Variants in MYOM1 observed in about 807,000 individuals in gnomAD.
MYOM1 encodes myomesin 1, also known as myomesin-1.
MYOM1 carries 164 observed loss-of-function variants against 205.3 expected under a neutral mutation model. The ratio of observed to expected loss-of-function variants is 0.80; its 90% CI spans 0.70 to 0.91. The LOEUF (loss-of-function observed/expected upper bound fraction) is 0.91, where lower values mean the gene tolerates loss of function less well. MYOM1 is among the 40% of genes least tolerant of loss of function. MYOM1 has a pLI of 0.00. For missense variants in MYOM1, 2,011 were observed against 2,127.3 expected, an observed-to-expected ratio of 0.95 and a Z score of 1.08; for synonymous variants, 772 against 789.4, an observed-to-expected ratio of 0.98 and a Z score of 0.37.
In MYOM1 at chr18:3,116,378, G is replaced by A; in HGVS notation, c.3256C>T (p.Gln1086Ter). The A allele has an allele frequency of 6.2e-7, 1 of 1,613,250 alleles. No individual in the cohort carries two copies. Among genetic ancestry groups the A allele is most frequent in the African/African-American group, 1.3e-5 (1 of 75,024 alleles). The change falls in exon 21 of 38, where the codon CAG (glutamine) becomes TAG (stop). Residue 1086 changes from glutamine (Q) to a stop codon, truncating the protein, a stop_gained. Coordinates refer to ENST00000356443, the MANE Select transcript of MYOM1 (RefSeq NM_003803.4). LOFTEE classifies it high-confidence loss of function. ...DLKEAKAKED[Q>*]WRGLNEAAIK... is the part of the protein sequence containing the mutation. ...GCCGCCTCATTGAGCCCTCGCCACT[G>A]GTCTTCTTTGGCCTTGGCCTCCTTC...
chr18:3,155,826 G>A (rs1187378174), intron 10 of MYOM1, among the ~76,000 whole-genome samples: 3 of 152,140 alleles, frequency 2.0e-5, no homozygotes, highest in African/African-American at 4.8e-5. Context: ...AAGAAAATAC[G>A]AGTCATAGAG....
rs2079268828 is a variant in MYOM1 at position 3,094,287 on chromosome 18, C to T, written c.3747G>A (p.Glu1249=). The change falls in exon 26 of 38, where the codon GAG becomes GAA. Residue 1249 remains glutamate (E), a synonymous_variant. Transcript: ENST00000356443. ...CTTTCTCCAAAATTTCAACTGCCAACTCTGATTTAACTGGGACAGCTATGA... is the reference window on the plus strand; with the variant it reads ...CTTTCTCCAAAATTTCAACTGCCAATTCTGATTTAACTGGGACAGCTATGA... ...HKFPTVPVKS[E]LAVEILEKGQ... 1.9e-6 allele frequency: 3 copies of T among 1,612,960 alleles called. No individual in the cohort carries two copies. The highest frequency in any genetic ancestry group is 4.5e-5 in the East Asian group (2 of 44,808).
intron 5 of MYOM1, among the ~76,000 whole-genome samples, chr18:3,186,340 T>G (rs987091103): frequency 1.3e-5 from 2 of 152,182 alleles, no homozygotes; most frequent in Non-Finnish European, 2.9e-5. Context: ...TGGGTGACAG[T>G]GACATTCATG....
At chr18:3,112,482 A>T in intron 21 of MYOM1, 70 bp from the exon 22 acceptor site, 1 of 1,190,476 alleles carries the variant, frequency 8.4e-7, no homozygotes, top group East Asian at 2.4e-5. Context: ...ATTTAAACAG[A>T]CGGGGCTCTT....
At chr18:3,190,175 T>G (rs1380067734) in intron 3 of MYOM1, among the ~76,000 whole-genome samples, 1 of 152,220 alleles carries the variant, frequency 6.6e-6, no homozygotes, top group African/African-American at 2.4e-5. Flanking sequence ...GTGCTGTGAT[T>G]TATTCATGTC....
At chr18:3,080,238 T>C (rs1037387681) in intron 33 of MYOM1, among the ~76,000 whole-genome samples, 6 of 152,178 alleles carry the variant, frequency 3.9e-5, no homozygotes, top group African/African-American at 1.4e-4. Flanking sequence ...TACCCTAAAA[T>C]GTTCATATTA....
At chr18:3,211,864 C>A (rs946659621) in intron 2 of MYOM1, among the ~76,000 whole-genome samples, 1 of 152,142 alleles carries the variant, frequency 6.6e-6, no homozygotes, top group Non-Finnish European at 1.5e-5. Context: ...CAAAGCAGAG[C>A]TAAAAATAGA....
At chr18:3,125,431 C>G (rs1181565889) in intron 19 of MYOM1, among the ~76,000 whole-genome samples, 1 of 152,032 alleles carries the variant, frequency 6.6e-6, no homozygotes, top group African/African-American at 2.4e-5. Context: ...TGAGTTATAG[C>G]CACATGCACT....
At chr18:3,200,396 G>T (rs1464606903) in intron 2 of MYOM1, among the ~76,000 whole-genome samples, 3 of 152,168 alleles carry the variant, frequency 2.0e-5, no homozygotes, top group African/African-American at 7.2e-5. Context: ...TCTCTGGGTT[G>T]TCCTTGATGT....
intron 14 of MYOM1, among the ~76,000 whole-genome samples, chr18:3,140,963 AT>A (rs2080039678): frequency 1.3e-5 from 2 of 152,232 alleles, no homozygotes; most frequent in Non-Finnish European, 2.9e-5. Flanking sequence ...ATGTTCTTAC[AT>A]ATGGGATAAA....
chr18:3,146,143 C>T (rs1320620700), intron 13 of MYOM1, among the ~76,000 whole-genome samples: 4 of 151,830 alleles, frequency 2.6e-5, no homozygotes, highest in Non-Finnish European at 5.9e-5. Flanking sequence ...AAAAACAAAC[C>T]TCCAGGCCTA....
intron 19 of MYOM1, among the ~76,000 whole-genome samples, chr18:3,123,372 A>AT (rs1478085207): frequency 1.3e-5 from 2 of 152,256 alleles, no homozygotes; most frequent in African/African-American, 4.8e-5. Context: ...TTTACTAGCA[A>AT]TAAAAACTGA....
intron 22 of MYOM1, among the ~76,000 whole-genome samples, chr18:3,110,897 T>C (rs2079516844): frequency 6.6e-6 from 1 of 151,228 alleles, no homozygotes; most frequent in Admixed American, 6.6e-5. Flanking sequence ...ACTACGGTTC[T>C]AGCAGATGAA....
At chr18:3,240,953 T>C in the MYOM1 span, among the ~76,000 whole-genome samples, 125 of 152,260 alleles carry the variant, frequency 8.2e-4, no homozygotes, top group African/African-American at 2.9e-3. Context: ...CCATAGAGAT[T>C]TGTGGAACTC....
intron 12 of MYOM1, among the ~76,000 whole-genome samples, chr18:3,151,381 C>A (rs1042757833): frequency 2.0e-5 from 3 of 151,340 alleles, no homozygotes; most frequent in Non-Finnish European, 4.4e-5. Context: ...TTTTATACTT[C>A]ATTCCACACA....
chr18:3,086,445 T>A lies in MYOM1; in HGVS notation c.4138-294A>T, dbSNP rs980954275. 2.1e-5 allele frequency among the ~76,000 whole-genome samples: 3 copies of A among 142,148 alleles called. 1 individual carries two copies. The Middle Eastern group carries it at 0.011, about 526-fold the overall frequency. 93.3% of individuals were successfully genotyped at this position (142,148 alleles called of 152,430 possible). A position where few individuals can be genotyped will look rare whatever the true frequency, so the allele number is the denominator to read the frequency against. ...GAGAATAGATACATTCATACTGACATACAAACTTAAATGAAAATAGAAGTC... is the reference window on the plus strand; with the variant it reads ...GAGAATAGATACATTCATACTGACAAACAAACTTAAATGAAAATAGAAGTC... On this transcript the variant is annotated intron_variant, in intron 29 of 37. Transcript: ENST00000356443.
At chr18:3,098,955 G>T (rs532297587) in intron 25 of MYOM1, among the ~76,000 whole-genome samples, 1 of 152,128 alleles carries the variant, frequency 6.6e-6, no homozygotes, top group African/African-American at 2.4e-5. Context: ...ACAAAGTTGG[G>T]TTAGTTTTTG....
rs2079346725 is a variant in MYOM1, at chr18:3,099,241, G to A, written c.3727+918C>T. On this transcript the variant is annotated intron_variant, in intron 25 of 37. Coordinates refer to ENST00000356443, the MANE Select transcript of MYOM1 (RefSeq NM_003803.4). Reference sequence around the variant, plus strand: ...GCAATTCATTCTAGAGCAGTGGTGTGTGTTTTTAAATTACAGTCTCCATTG... The same window carrying A: ...GCAATTCATTCTAGAGCAGTGGTGTATGTTTTTAAATTACAGTCTCCATTG... 2.0e-5 allele frequency among the ~76,000 whole-genome samples: 3 copies of A among 152,174 alleles called. No homozygotes were observed. In the South Asian group the frequency reaches 6.2e-4, roughly 32 times the overall value.
chr18:3,170,171 G>A (rs1280813774), intron 8 of MYOM1, among the ~76,000 whole-genome samples: 4 of 152,112 alleles, frequency 2.6e-5, no homozygotes, highest in African/African-American at 9.7e-5. Context: ...AAATAAAGAA[G>A]GGTTAGTTAA....
Sources: allele counts gnomAD v4.1 joint callset (sites outside exome capture counted in the v4.1 genomes callset), GRCh38; gene constraint gnomAD v4.1.1; transcripts MANE v1.5; gene names NCBI Gene and HGNC (gene_info 2026-07-23, HGNC 2026-07-21).